Variants in GALNTL6 observed in about 807,000 individuals in gnomAD.
GALNTL6 encodes polypeptide N-acetylgalactosaminyltransferase-like 6.
A neutral mutation model predicts 73.7 loss-of-function variants in GALNTL6; 46 were observed. The ratio of observed to expected loss-of-function variants is 0.62; its 90% confidence interval spans 0.49 to 0.80. GALNTL6 has a LOEUF of 0.80. Ranked by LOEUF, GALNTL6 falls within the 30% of genes least tolerant of loss-of-function variation. GALNTL6 has a pLI of 0.00. For missense variants in GALNTL6, 604 were observed against 755.0 expected, an observed-to-expected ratio of 0.80 and a Z score of 2.34; for synonymous variants, 259 against 263.7, an observed-to-expected ratio of 0.98 and a Z score of 0.17.
intron 5 of GALNTL6, among the ~76,000 whole-genome samples, chr4:172,433,358 AG>A (rs1237841711): frequency 1.3e-5 from 2 of 151,978 alleles, no homozygotes; most frequent in African/African-American, 4.8e-5. Context: ...TTCCACCCTC[AG>A]CCCCCCGCCT....
chr4:172,531,888 G>A (rs1288010829), intron 5 of GALNTL6, among the ~76,000 whole-genome samples: 1 of 152,162 alleles, frequency 6.6e-6, no homozygotes, highest in Non-Finnish European at 1.5e-5. Context: ...GGTGCCCCAC[G>A]CATGGTCCAA....
intron 2 of GALNTL6, among the ~76,000 whole-genome samples, chr4:172,075,472 CT>C (rs1250797410): frequency 6.6e-6 from 1 of 151,970 alleles, no homozygotes; most frequent in Non-Finnish European, 1.5e-5. Context: ...GTAGCTGGGA[CT>C]ACAGGCGCCT....
At chr4:172,629,082 C>T (rs1236009472) in intron 5 of GALNTL6, among the ~76,000 whole-genome samples, 1 of 152,106 alleles carries the variant, frequency 6.6e-6, no homozygotes, top group Non-Finnish European at 1.5e-5. Flanking sequence ...TCCAAAAAAT[C>T]ACTTTTATGT....
intron 8 of GALNTL6, among the ~76,000 whole-genome samples, chr4:172,899,026 A>G (rs137988505): frequency 3.4e-4 from 52 of 152,240 alleles, no homozygotes; most frequent in Middle Eastern, 3.4e-3. Flanking sequence ...TGCTTGCCCA[A>G]TTGATCATGA....
At chr4:173,019,763 G>A (rs370186718) in intron 11 of GALNTL6, among the ~76,000 whole-genome samples, 1 of 152,138 alleles carries the variant, frequency 6.6e-6, no homozygotes, top group South Asian at 2.1e-4. Flanking sequence ...TGAGAAGGTC[G>A]CTGTTCACAT....
intron 7 of GALNTL6, among the ~76,000 whole-genome samples, chr4:172,876,445 G>A (rs1579597665): frequency 6.6e-6 from 1 of 151,802 alleles, no homozygotes; most frequent in African/African-American, 2.4e-5. Context: ...GGAAAACAGA[G>A]AGCTTTTTTT....
At position 172,797,255 on chromosome 4, in the gene GALNTL6, C is replaced by CT. The variant is rs553049313; in HGVS notation, c.554-12096dup. Reference sequence around the variant, plus strand: ...ATGGCACCTAAGAGTTTTTGTTTTTCTTTTTTTTTTATTTGGAGACAGAGT... The same window carrying CT: ...ATGGCACCTAAGAGTTTTTGTTTTTCTTTTTTTTTTTATTTGGAGACAGAGT... On this transcript the variant is annotated intron_variant, in intron 5 of 12. Transcript: ENST00000506823. 1.6e-3 allele frequency among the ~76,000 whole-genome samples: 244 copies of CT among 149,392 alleles called. 2 individuals carry two copies. The East Asian group carries it at 0.028, about 17-fold the overall frequency.
At chr4:172,080,236 A>G (rs1731837602) in intron 2 of GALNTL6, among the ~76,000 whole-genome samples, 1 of 152,174 alleles carries the variant, frequency 6.6e-6, no homozygotes, top group Non-Finnish European at 1.5e-5. Context: ...GCTTGAGTGT[A>G]GTGGCAAGAT....
intron 2 of GALNTL6, chr4:171,815,421 A>G (rs1188706629): frequency 6.6e-6 from 1 of 152,314 alleles, no homozygotes; most frequent in Non-Finnish European, 1.5e-5. Context: ...TATGTAACTC[A>G]TTAGTATGTA....
At chr4:172,184,597 A>G (rs184735900) in intron 2 of GALNTL6, among the ~76,000 whole-genome samples, 3 of 152,276 alleles carry the variant, frequency 2.0e-5, no homozygotes, top group Admixed American at 6.5e-5. Context: ...AAAAATATCT[A>G]CTTATACAAG....
At chr4:172,812,155 T>G (rs1312095389) in intron 6 of GALNTL6, among the ~76,000 whole-genome samples, 2 of 152,108 alleles carry the variant, frequency 1.3e-5, no homozygotes, top group African/African-American at 4.8e-5. Context: ...ATCCCCTGCT[T>G]CATCAGTGTC....
intron 3 of GALNTL6, among the ~76,000 whole-genome samples, chr4:172,233,217 A>AC (rs1737132135): frequency 6.6e-6 from 1 of 151,636 alleles, no homozygotes; most frequent in African/African-American, 2.4e-5. Flanking sequence ...AAAAAAAAAA[A>AC]AAAAAAATTC....
chr4:172,384,950 A>G (rs1743408505), intron 5 of GALNTL6, among the ~76,000 whole-genome samples: 1 of 136,650 alleles, frequency 7.3e-6, no homozygotes, highest in Non-Finnish European at 1.6e-5. Context: ...ATTCATTTCA[A>G]TTATGTTATG....
intron 5 of GALNTL6, among the ~76,000 whole-genome samples, chr4:172,670,593 C>T (rs1455253387): frequency 4.0e-5 from 6 of 151,654 alleles, no homozygotes; most frequent in Admixed American, 1.3e-4. Flanking sequence ...TCTGCCATTC[C>T]ATAGGTTGTC....
intron 7 of GALNTL6, among the ~76,000 whole-genome samples, chr4:172,873,834 A>G (rs1165432884): frequency 6.6e-6 from 1 of 152,238 alleles, no homozygotes; most frequent in Non-Finnish European, 1.5e-5. Context: ...TAAAAGGTAA[A>G]GGGCTGATCA....
intron 5 of GALNTL6, among the ~76,000 whole-genome samples, chr4:172,722,811 G>A (rs1735562528): frequency 6.6e-6 from 1 of 152,082 alleles, no homozygotes; most frequent in Admixed American, 6.5e-5. Flanking sequence ...CTAACATTAA[G>A]GAGAAATTTA....
At chr4:172,605,868 G>C (rs956049550) in intron 5 of GALNTL6, among the ~76,000 whole-genome samples, 3 of 152,086 alleles carry the variant, frequency 2.0e-5, no homozygotes, top group African/African-American at 7.2e-5. Context: ...TCTCAGCACA[G>C]AAAGAGGGGA....
chr4:171,849,817 G>A (rs1414246770), intron 2 of GALNTL6, among the ~76,000 whole-genome samples: 5 of 152,204 alleles, frequency 3.3e-5, no homozygotes, highest in South Asian at 2.1e-4. Context: ...AGGAGGAGGG[G>A]TTGGGGCAGG....
chr4:172,443,985 G>A (rs1731931007), intron 5 of GALNTL6, among the ~76,000 whole-genome samples: 1 of 152,268 alleles, frequency 6.6e-6, no homozygotes, highest in East Asian at 1.9e-4. Context: ...GTGGCTATGT[G>A]GTAGCAGATT....
Sources: allele counts gnomAD v4.1 joint callset (sites outside exome capture counted in the v4.1 genomes callset), GRCh38; gene constraint gnomAD v4.1.1; transcripts MANE v1.5; gene names NCBI Gene and HGNC (gene_info 2026-07-23, HGNC 2026-07-21).